KHDRBS3: variants seen among roughly 807,000 people sequenced by gnomAD.
KHDRBS3 encodes the protein KH domain-containing, RNA-binding, signal transduction-associated protein 3.
A neutral mutation model predicts 45.6 loss-of-function variants in KHDRBS3; 23 were observed. The observed-to-expected ratio is 0.50, with a 90% CI of 0.36 to 0.72. The LOEUF (loss-of-function observed/expected upper bound fraction) is 0.72, where lower values mean the gene tolerates loss of function less well. KHDRBS3 is among the 30% of genes least tolerant of loss of function. The pLI, the probability that KHDRBS3 is intolerant of heterozygous loss-of-function variation, is 0.00. For synonymous variants in KHDRBS3, 162 were observed against 156.5 expected (o/e 1.04, Z -0.26); for missense variants, 352 against 424.8 (o/e 0.83, Z 1.51).
intron 7 of KHDRBS3, among the ~76,000 whole-genome samples, chr8:135,609,375 A>G (rs770511243): frequency 6.6e-6 from 1 of 151,244 alleles, no homozygotes; most frequent in Non-Finnish European, 1.5e-5. Flanking sequence ...GCTCACTGCA[A>G]CCTCCTCCTT....
chr8:135,575,745 G>A (rs1827919709), intron 5 of KHDRBS3, among the ~76,000 whole-genome samples: 1 of 151,978 alleles, frequency 6.6e-6, no homozygotes, highest in African/African-American at 2.4e-5. Flanking sequence ...TCCTGCATGT[G>A]GTTTTTCTCT....
chr8:135,531,245 G>A (rs376640687), intron 2 of KHDRBS3, among the ~76,000 whole-genome samples: 7 of 152,128 alleles, frequency 4.6e-5, no homozygotes, highest in East Asian at 3.9e-4. Flanking sequence ...AATTATTAAC[G>A]TCTAAATAAG....
chr8:135,517,693 T>A (rs1036065623), intron 1 of KHDRBS3, among the ~76,000 whole-genome samples: 2 of 152,212 alleles, frequency 1.3e-5, no homozygotes, highest in Admixed American at 6.5e-5. Context: ...AAGTACAGCA[T>A]TCATGATTTA....
Position 135,647,439 on chromosome 8 carries a change from TTATC to T in KHDRBS3, c.*357_*360del, listed in dbSNP as rs1831340376. Reference sequence around the variant, plus strand: ...AAGGTTTCCATAGAATTTAGTTATTTTATCTTTCAGCCATATGCTAGTTTTTTTT... The same window carrying T: ...AAGGTTTCCATAGAATTTAGTTATTTTTTCAGCCATATGCTAGTTTTTTTT... On this transcript the variant is annotated 3_prime_UTR_variant, in exon 9 of 9. Transcript: ENST00000355849. 6.3e-6 allele frequency: 1 copy of T among 158,964 alleles called. No homozygotes were observed. Among genetic ancestry groups the T allele is most frequent in the Non-Finnish European group, 1.4e-5 (1 of 72,330 alleles). 9.8% of individuals were successfully genotyped at this position (158,964 alleles called of 1,614,324 possible).
intron 4 of KHDRBS3, among the ~76,000 whole-genome samples, chr8:135,653,444 T>A (rs1016852513): frequency 1.3e-5 from 2 of 152,178 alleles, no homozygotes; most frequent in African/African-American, 4.8e-5. Context: ...CTTAGAACAT[T>A]TCCCCTTTAC....
At position 135,636,280 on chromosome 8, in the gene KHDRBS3, A is replaced by G. The variant is rs554600210; in HGVS notation, c.891-8779A>G. Among the ~76,000 whole-genome samples the G allele has an allele frequency of 3.3e-5, 5 of 152,342 alleles. No individual in the cohort carries two copies. In the South Asian group the frequency reaches 1.0e-3, roughly 32 times the overall value. On this transcript the variant is annotated intron_variant, in intron 7 of 8. Coordinates refer to ENST00000355849, the MANE Select transcript of KHDRBS3 (RefSeq NM_006558.3). ...AGCACTTTTCCCGTCATCATACAGA[A>G]GTTAAGAGTGTCTTTAATAGTTGAG...
intron 7 of KHDRBS3, among the ~76,000 whole-genome samples, chr8:135,632,873 T>C (rs566148527): frequency 3.9e-4 from 60 of 152,274 alleles, no homozygotes; most frequent in Non-Finnish European, 6.5e-4. Flanking sequence ...ATGTGTCCCC[T>C]GAAGAACTTG....
intron 7 of KHDRBS3, among the ~76,000 whole-genome samples, chr8:135,626,747 TG>T (rs1830382489): frequency 7.4e-6 from 1 of 135,800 alleles, no homozygotes; most frequent in Non-Finnish European, 1.5e-5. Context: ...GAGCTTGCAG[TG>T]AGCCGAGATT....
intron 5 of KHDRBS3, among the ~76,000 whole-genome samples, chr8:135,574,465 A>G (rs756331028): frequency 6.6e-6 from 1 of 152,228 alleles, no homozygotes; most frequent in East Asian, 1.9e-4. Context: ...AGTGGTGCAT[A>G]ACCAACAATG....
chr8:135,525,333 C>T (rs1825126377), intron 2 of KHDRBS3, among the ~76,000 whole-genome samples: 1 of 152,080 alleles, frequency 6.6e-6, no homozygotes, highest in African/African-American at 2.4e-5. Flanking sequence ...AGATTTTATA[C>T]ATAATATTTG....
chr8:135,586,697 A>T (rs1329027860), intron 6 of KHDRBS3, among the ~76,000 whole-genome samples: 1 of 152,214 alleles, frequency 6.6e-6, no homozygotes, highest in African/African-American at 2.4e-5. Context: ...CGTAATTTTT[A>T]AAAATCTCCT....
chr8:135,650,944 G>T (rs899256180), downstream of KHDRBS3, among the ~76,000 whole-genome samples: 5 of 152,214 alleles, frequency 3.3e-5, no homozygotes, highest in Admixed American at 1.3e-4. Flanking sequence ...CTGTGTTGCA[G>T]ATGGTAGGAA....
At chr8:135,525,455 C>A (rs1371906324) in intron 2 of KHDRBS3, among the ~76,000 whole-genome samples, 3 of 152,150 alleles carry the variant, frequency 2.0e-5, no homozygotes, top group African/African-American at 7.2e-5. Flanking sequence ...GTAAATTCAC[C>A]CCAGGGTATT....
In KHDRBS3 at chr8:135,580,094, G is replaced by A. The variant is rs111474788; in HGVS notation, c.612-1784G>A. Among the ~76,000 whole-genome samples, 208 of 152,236 alleles carry A rather than the reference G, an allele frequency of 1.4e-3. 3 individuals carry two copies. Among genetic ancestry groups the A allele is most frequent in the African/African-American group, 4.3e-3 (179 of 41,538 alleles). On this transcript the variant is annotated intron_variant, in intron 5 of 8. Transcript: ENST00000355849. ...TCTCTGGCCAGTTGTAGCCTCTGAG[G>A]GTGATTTAGTATTTTGAGAGATACT...
chr8:135,485,599 A>C (rs551215524), intron 1 of KHDRBS3, among the ~76,000 whole-genome samples: 20 of 152,172 alleles, frequency 1.3e-4, no homozygotes, highest in African/African-American at 4.3e-4. Context: ...TTATTGCAGG[A>C]ATTTTTTTAT....
intron 7 of KHDRBS3, among the ~76,000 whole-genome samples, chr8:135,637,342 G>C (rs189803739): frequency 6.6e-4 from 101 of 152,132 alleles, no homozygotes; most frequent in Non-Finnish European, 4.0e-4. Flanking sequence ...TGTAACAAAG[G>C]CTCCTTCTAA....
At chr8:135,458,235 C>T (rs1442341466) in intron 1 of KHDRBS3, 4 of 1,198,290 alleles carry the variant, frequency 3.3e-6, no homozygotes, top group Non-Finnish European at 4.2e-6. Context: ...GGGGAAACTT[C>T]TGGGTGGGGG....
chr8:135,499,492 T>C (rs1823624809), intron 1 of KHDRBS3, among the ~76,000 whole-genome samples: 1 of 152,180 alleles, frequency 6.6e-6, no homozygotes, highest in Non-Finnish European at 1.5e-5. Context: ...GTATATGTTC[T>C]TTTATCTACA....
At chr8:135,646,930 G>A in intron 8 of KHDRBS3, 63 bp from the exon 9 acceptor site, 1 of 915,350 alleles carries the variant, frequency 1.1e-6, no homozygotes, top group South Asian at 1.3e-5. Flanking sequence ...GTTAGAGTCT[G>A]AAAAATGAAG....
Sources: gnomAD v4.1 joint callset for allele counts (sites outside exome capture counted in the v4.1 genomes callset) on GRCh38, gnomAD v4.1.1 for gene constraint, MANE v1.5 for transcripts, NCBI Gene and HGNC (gene_info 2026-07-23, HGNC 2026-07-21) for gene names.